Variants in CORO2B observed in about 807,000 individuals in gnomAD.
CORO2B encodes the protein coronin 2B.
A neutral mutation model predicts 58.8 loss-of-function variants in CORO2B; 26 were observed. The ratio of observed to expected loss-of-function variants is 0.44; its 90% CI spans 0.32 to 0.61. The LOEUF (loss-of-function observed/expected upper bound fraction) is 0.61, where lower values mean the gene tolerates loss of function less well. Among genes scored for constraint, CORO2B ranks in the 20% least tolerant of loss-of-function variants. The pLI, the probability that CORO2B is intolerant of heterozygous loss-of-function variation, is 0.04. For synonymous variants in CORO2B, 242 were observed against 253.8 expected, an observed-to-expected ratio of 0.95 and a Z score of 0.44; for missense variants, 460 against 645.1, an observed-to-expected ratio of 0.71 and a Z score of 3.11.
upstream of CORO2B, among the ~76,000 whole-genome samples, chr15:68,574,725 C>A (rs562996479): frequency 2.8e-4 from 42 of 152,206 alleles, no homozygotes; most frequent in South Asian, 8.5e-3. Flanking sequence ...TAATTAGAGC[C>A]CATAAAGAGA....
chr15:68,607,319 T>A (rs1355884768), intron 1 of CORO2B, among the ~76,000 whole-genome samples: 1 of 152,184 alleles, frequency 6.6e-6, no homozygotes, highest in African/African-American at 2.4e-5. Flanking sequence ...TGTCTCCACA[T>A]GGCTTGAGCT....
the CORO2B span, among the ~76,000 whole-genome samples, chr15:68,542,023 G>T: frequency 3.9e-5 from 6 of 152,196 alleles, no homozygotes; most frequent in Non-Finnish European, 8.8e-5. Context: ...AAGCTGGGAC[G>T]GTCACAGGGA....
upstream of CORO2B, chr15:68,578,823 C>A (rs1899338582): frequency 5.7e-6 from 1 of 175,440 alleles, no homozygotes; most frequent in Non-Finnish European, 1.1e-5. The surrounding 1 kb of genome is among the most constrained non-coding windows in gnomAD (Gnocchi z 4.2). Flanking sequence ...CGTCCGGACT[C>A]CGGGAGCAGC....
intron 2 of CORO2B, among the ~76,000 whole-genome samples, chr15:68,669,682 T>C (rs1902319335): frequency 6.6e-6 from 1 of 152,168 alleles, no homozygotes; most frequent in Non-Finnish European, 1.5e-5. Flanking sequence ...ATGGTGGGTT[T>C]TGGGCTCAAC....
intron 1 of CORO2B, chr15:68,641,420 TG>T: frequency 1.8e-6 from 1 of 551,510 alleles, no homozygotes; most frequent in Non-Finnish European, 2.3e-6. Context: ...CCCTGAGGAC[TG>T]GGGAGCTGGG....
At chr15:68,699,929 C>T (rs890814646) in intron 3 of CORO2B, among the ~76,000 whole-genome samples, 7 of 152,210 alleles carry the variant, frequency 4.6e-5, no homozygotes, top group Non-Finnish European at 1.0e-4. Flanking sequence ...TACATCACAG[C>T]GTCTGCTCTC....
chr15:68,700,559 C>T (rs1892616506), intron 3 of CORO2B, among the ~76,000 whole-genome samples: 1 of 152,160 alleles, frequency 6.6e-6, no homozygotes, highest in Non-Finnish European at 1.5e-5. Flanking sequence ...AGGGATCCAG[C>T]AGAACATACC....
the CORO2B span, among the ~76,000 whole-genome samples, chr15:68,553,219 C>G: frequency 2.0e-5 from 3 of 152,220 alleles, no homozygotes; most frequent in East Asian, 5.8e-4. Context: ...GAATGATGCT[C>G]TCAGCAAAGG....
chr15:68,525,269 G>A, the CORO2B span, among the ~76,000 whole-genome samples: 7 of 152,278 alleles, frequency 4.6e-5, no homozygotes, highest in South Asian at 2.1e-4. Context: ...CAGGGGGGAC[G>A]GGGGACAGAT....
chr15:68,685,280 C>T (rs1596012954), intron 2 of CORO2B, among the ~76,000 whole-genome samples: 3 of 152,038 alleles, frequency 2.0e-5, no homozygotes, highest in Admixed American at 6.6e-5. Flanking sequence ...GTGCAATCTC[C>T]GCTCACTTCA....
In CORO2B at chr15:68,605,109, G is replaced by A. The variant is rs374753697; in HGVS notation, c.15+25832G>A. 3.5e-3 allele frequency among the ~76,000 whole-genome samples: 523 copies of A among 149,432 alleles called. 1 individual carries two copies. The highest frequency in any genetic ancestry group is 0.012 in the African/African-American group (486 of 40,602). On this transcript the variant is annotated intron_variant, in intron 1 of 11. Transcript: ENST00000261861. ...AGTCTGGGCAACAGAGCGAGACTCC[G>A]TCTCAAGGAAAAAAAAAAAAAAAGA...
At chr15:68,551,612 G>A in the CORO2B span, among the ~76,000 whole-genome samples, 6 of 152,142 alleles carry the variant, frequency 3.9e-5, no homozygotes, top group Admixed American at 6.5e-5. Flanking sequence ...CTTCTCCCAC[G>A]GAAGGCAGCC....
At chr15:68,686,020 G>GTTTTTTTTTTTTTTTTTTTTT (rs56168498) in intron 2 of CORO2B, among the ~76,000 whole-genome samples, 17 of 103,336 alleles carry the variant, frequency 1.6e-4, no homozygotes, top group Non-Finnish European at 2.2e-4. Context: ...TCCTACTTCT[G>GTTTTTTTTTTTTTTTTTTTTT]TTTTTTTTTT....
At chr15:68,537,121 T>C in the CORO2B span, among the ~76,000 whole-genome samples, 2 of 152,232 alleles carry the variant, frequency 1.3e-5, no homozygotes, top group Admixed American at 1.3e-4. Context: ...TAGGTGATTC[T>C]GAAAAGTTGG....
At chr15:68,547,571 T>C in the CORO2B span, among the ~76,000 whole-genome samples, 11 of 152,056 alleles carry the variant, frequency 7.2e-5, no homozygotes, top group Non-Finnish European at 1.3e-4. Flanking sequence ...CTCAATCTCC[T>C]GACCTCATGA....
intron 2 of CORO2B, among the ~76,000 whole-genome samples, chr15:68,654,683 T>C (rs1416467322): frequency 6.6e-6 from 1 of 152,222 alleles, no homozygotes; most frequent in Non-Finnish European, 1.5e-5. Context: ...GCTGTGATGA[T>C]TAAATAAGGT....
At chr15:68,676,839 AC>A (rs35402785) in intron 2 of CORO2B, among the ~76,000 whole-genome samples, 7,857 of 151,908 alleles carry the variant, frequency 0.052, 468 homozygotes, top group African/African-American at 0.15. Flanking sequence ...TGGCACCATC[AC>A]GACTCACTGC....
In CORO2B at chr15:68,727,122, CGT is replaced by C. The variant is rs1456077286; in HGVS notation, c.*1153_*1154del. 2 of 152,634 alleles carry C rather than the reference CGT, an allele frequency of 1.3e-5. No homozygotes were observed. Among genetic ancestry groups the C allele is most frequent in the Admixed American group, 6.5e-5 (1 of 15,274 alleles). 9.5% of individuals were successfully genotyped at this position (152,634 alleles called of 1,614,324 possible). ...TCTGATGGCTTCTAGGGATGCTCTG[CGT>C]GTGTCTCAGCACCGCTATCTCAGCC... On this transcript the variant is annotated 3_prime_UTR_variant, in exon 12 of 12. Transcript: ENST00000261861.
At chr15:68,549,967 A>C in the CORO2B span, among the ~76,000 whole-genome samples, 1 of 151,418 alleles carries the variant, frequency 6.6e-6, no homozygotes, top group Non-Finnish European at 1.5e-5. Flanking sequence ...TAAATAAATA[A>C]ATAAATAAAT....
Sources: gnomAD v4.1 joint callset for allele counts (sites outside exome capture counted in the v4.1 genomes callset) on GRCh38, gnomAD v4.1.1 for gene constraint, Gnocchi (gnomAD v3.1) non-coding constraint, MANE v1.5 for transcripts, NCBI Gene and HGNC (gene_info 2026-07-23, HGNC 2026-07-21) for gene names.